CAMKMT: variants seen among roughly 807,000 people sequenced by gnomAD.
CAMKMT encodes CaM KMT.
A neutral mutation model predicts 48.0 loss-of-function variants in CAMKMT; 53 were observed. The observed-to-expected ratio is 1.10, with a 90% CI of 0.89 to 1.39. CAMKMT has a LOEUF of 1.39. CAMKMT is among the 40% of genes most tolerant of loss of function. The pLI, the probability that CAMKMT is intolerant of heterozygous loss-of-function variation, is 0.00. For synonymous variants in CAMKMT, 165 were observed against 152.3 expected (o/e 1.08, Z -0.61); for missense variants, 428 against 402.7 (o/e 1.06, Z -0.54).
intron 3 of CAMKMT, among the ~76,000 whole-genome samples, chr2:44,480,658 A>G (rs1045705990): frequency 2.0e-5 from 3 of 152,156 alleles, no homozygotes; most frequent in African/African-American, 7.2e-5. Context: ...TTTATTTATC[A>G]TTTGAGATAA....
At chr2:44,720,961 T>G (rs1029506341) in intron 7 of CAMKMT, among the ~76,000 whole-genome samples, 2 of 152,170 alleles carry the variant, frequency 1.3e-5, no homozygotes, top group Non-Finnish European at 2.9e-5. Context: ...TCGATTATAT[T>G]TTCTACTTCC....
In CAMKMT at chr2:44,618,012, G is replaced by T. The variant is rs1444186378; in HGVS notation, c.377-86271G>T. On this transcript the variant is annotated intron_variant, in intron 3 of 10. Transcript: ENST00000378494. This position sits in a 1 kb window ranked among gnomAD's most constrained non-coding sequence, Gnocchi z 4.0. Reference sequence around the variant, plus strand: ...CAGACATCAAGAAAGCATCATATCTGAGCTATTCTTTTCATCTCCTTCCTG... The same window carrying T: ...CAGACATCAAGAAAGCATCATATCTTAGCTATTCTTTTCATCTCCTTCCTG... Among the ~76,000 whole-genome samples the T allele has an allele frequency of 6.6e-6, 1 of 152,130 alleles. No homozygotes were observed. Among genetic ancestry groups the T allele is most frequent in the African/African-American group, 2.4e-5 (1 of 41,430 alleles).
intron 3 of CAMKMT, among the ~76,000 whole-genome samples, chr2:44,525,068 A>C (rs866827559): frequency 9.8e-5 from 15 of 152,288 alleles, no homozygotes; most frequent in African/African-American, 2.2e-4. Flanking sequence ...AGTGAGATTA[A>C]GATAGCACAC....
intron 3 of CAMKMT, among the ~76,000 whole-genome samples, chr2:44,682,756 G>A (rs1245246031): frequency 6.6e-6 from 1 of 152,190 alleles, no homozygotes; most frequent in Non-Finnish European, 1.5e-5. Flanking sequence ...AAGAGAATAC[G>A]CAGAAAATTA....
At chr2:44,425,731 C>CTT (rs748393973) in intron 3 of CAMKMT, among the ~76,000 whole-genome samples, 2,491 of 143,582 alleles carry the variant, frequency 0.017, 61 homozygotes, top group African/African-American at 0.06. Flanking sequence ...AGTATTCTAT[C>CTT]TTTTTTTTTT....
chr2:44,363,821 G>C (rs1428457111), intron 1 of CAMKMT, among the ~76,000 whole-genome samples: 1 of 150,990 alleles, frequency 6.6e-6, no homozygotes, highest in Non-Finnish European at 1.5e-5. Flanking sequence ...CTTCCGAATA[G>C]CTGGGATTAC....
At chr2:44,601,732 TTTAAG>T (rs1671005188) in intron 3 of CAMKMT, among the ~76,000 whole-genome samples, 1 of 151,984 alleles carries the variant, frequency 6.6e-6, no homozygotes, top group Admixed American at 6.5e-5. Flanking sequence ...CCTTTGTTTT[TTTAAG>T]TTATTTTTAA....
chr2:44,648,593 A>G (rs1673883568), intron 3 of CAMKMT, among the ~76,000 whole-genome samples: 1 of 152,210 alleles, frequency 6.6e-6, no homozygotes, highest in Admixed American at 6.5e-5. Context: ...GAAATGTAAA[A>G]TCCTTTTAAA....
chr2:44,552,410 T>C (rs950266648), intron 3 of CAMKMT, among the ~76,000 whole-genome samples: 1 of 152,126 alleles, frequency 6.6e-6, no homozygotes, highest in Non-Finnish European at 1.5e-5. Flanking sequence ...CATGGAGGAT[T>C]TAAGAAATCC....
rs1356025936 is a variant in CAMKMT, at chr2:44,540,544, C to T, written c.376+150239C>T. On this transcript the variant is annotated intron_variant, in intron 3 of 10. Coordinates refer to ENST00000378494, the MANE Select transcript of CAMKMT (RefSeq NM_024766.5). ...GGTGTGCGGATCCCTTGAGTTCAGGCGTTCAAGACCAGCCTGGGCAACATG... is the reference window on the plus strand; with the variant it reads ...GGTGTGCGGATCCCTTGAGTTCAGGTGTTCAAGACCAGCCTGGGCAACATG... Among the ~76,000 whole-genome samples the T allele has an allele frequency of 4.6e-5, 7 of 152,144 alleles. No individual in the cohort carries two copies. In the East Asian group the frequency reaches 1.2e-3, roughly 25 times the overall value.
intron 3 of CAMKMT, among the ~76,000 whole-genome samples, chr2:44,666,898 A>G (rs977601232): frequency 2.6e-5 from 4 of 152,110 alleles, no homozygotes; most frequent in East Asian, 1.9e-4. Flanking sequence ...GTGAGCTACC[A>G]CGCCCAGCTA....
chr2:44,768,359 A>ATTTT (rs202087319), intron 10 of CAMKMT, among the ~76,000 whole-genome samples: 2 of 101,546 alleles, frequency 2.0e-5, no homozygotes, highest in African/African-American at 7.9e-5. Context: ...ATATATATAT[A>ATTTT]TATTTTTTTT....
intron 2 of CAMKMT, among the ~76,000 whole-genome samples, chr2:44,382,893 T>C (rs1319087113): frequency 6.6e-6 from 1 of 152,248 alleles, no homozygotes; most frequent in African/African-American, 2.4e-5. Context: ...ATTCTCTTAC[T>C]ATGTTTTAGT....
At chr2:44,414,657 C>G (rs1249801724) in intron 3 of CAMKMT, among the ~76,000 whole-genome samples, 1 of 152,122 alleles carries the variant, frequency 6.6e-6, no homozygotes, top group Non-Finnish European at 1.5e-5. Context: ...CAGACCAACC[C>G]TAATCCCCTG....
At chr2:44,753,710 G>A (rs145559709) in intron 8 of CAMKMT, among the ~76,000 whole-genome samples, 1 of 152,274 alleles carries the variant, frequency 6.6e-6, no homozygotes, top group Non-Finnish European at 1.5e-5. Flanking sequence ...CAGGTCTAAG[G>A]GAGACTAGGC....
At chr2:44,630,311 A>G (rs1013374562) in intron 3 of CAMKMT, among the ~76,000 whole-genome samples, 1 of 152,208 alleles carries the variant, frequency 6.6e-6, no homozygotes. Flanking sequence ...AAACCTAGGC[A>G]TTACCATTCA....
chr2:44,576,844 C>G (rs1459164287), intron 3 of CAMKMT, among the ~76,000 whole-genome samples: 1 of 152,146 alleles, frequency 6.6e-6, no homozygotes, highest in Non-Finnish European at 1.5e-5. Flanking sequence ...AATTAAATAG[C>G]CCCATGGCTT....
intron 3 of CAMKMT, among the ~76,000 whole-genome samples, chr2:44,530,401 G>C (rs183926207): frequency 6.6e-6 from 1 of 152,152 alleles, no homozygotes; most frequent in African/African-American, 2.4e-5. Flanking sequence ...ATCTACTAAT[G>C]GCCTTATAGC....
intron 8 of CAMKMT, among the ~76,000 whole-genome samples, chr2:44,744,660 G>A (rs1251742286): frequency 6.6e-6 from 1 of 152,124 alleles, no homozygotes; most frequent in African/African-American, 2.4e-5. Context: ...AGAACTCAGG[G>A]AAGACTTTCC....
Sources: allele counts gnomAD v4.1 joint callset (sites outside exome capture counted in the v4.1 genomes callset), GRCh38; gene constraint gnomAD v4.1.1; non-coding constraint Gnocchi (gnomAD v3.1); transcripts MANE v1.5; gene names NCBI Gene and HGNC (gene_info 2026-07-23, HGNC 2026-07-21).